Variants in TMEM260 observed in about 807,000 individuals in gnomAD.
TMEM260 encodes protein O-mannosyl-transferase TMEM260.
Under a neutral mutation model 88.9 loss-of-function variants are expected in TMEM260, and 82 were observed. That is an observed-to-expected ratio of 0.92 (90% CI 0.77 to 1.11). The LOEUF is 1.11. TMEM260 is among the 50% of genes least tolerant of loss of function. TMEM260 has a pLI of 0.00. For synonymous variants in TMEM260, 314 were observed against 309.3 expected, an observed-to-expected ratio of 1.02 and a Z score of -0.16; for missense variants, 902 against 853.4, an observed-to-expected ratio of 1.06 and a Z score of -0.71.
intron 15 of TMEM260, among the ~76,000 whole-genome samples, chr14:56,637,676 G>T (rs929370939): frequency 3.3e-5 from 5 of 152,194 alleles, no homozygotes; most frequent in Non-Finnish European, 7.3e-5. Context: ...GTTCTACTCA[G>T]CCAGGACAAG....
Position 56,636,417 on chromosome 14 carries a change from C to T in TMEM260, c.1779-91C>T, listed in dbSNP as rs1889079728. 21 of 957,544 alleles carry T rather than the reference C, an allele frequency of 2.2e-5. No individual in the cohort carries two copies. The South Asian group carries it at 2.6e-4, about 12-fold the overall frequency. The allele number at this position is 957,544 out of a possible 1,614,324, so 59.3% of individuals were successfully genotyped here. On this transcript the variant is annotated intron_variant, in intron 14 of 15. Coordinates refer to ENST00000261556, the MANE Select transcript of TMEM260 (RefSeq NM_017799.4). ...ATACAATAAAGGATTTTGTACATCC[C>T]TTATCAGTGGAGAAGCCTGGAAGAT...
intron 14 of TMEM260, among the ~76,000 whole-genome samples, chr14:56,635,338 C>CT (rs1172239625): frequency 8.5e-5 from 13 of 152,170 alleles, no homozygotes; most frequent in African/African-American, 3.1e-4. Flanking sequence ...TGTAATGTGC[C>CT]TGTCAATTAG....
chr14:56,585,108 G>T (rs1885406437), intron 2 of TMEM260, 76 bp downstream of exon 2: 1 of 1,321,032 alleles, frequency 7.6e-7, no homozygotes, highest in African/African-American at 1.5e-5. Context: ...ATTAAGCATG[G>T]AGTAAAGTAG....
chr14:56,581,038 G>T (rs1885096442), intron 1 of TMEM260, among the ~76,000 whole-genome samples: 1 of 152,134 alleles, frequency 6.6e-6, no homozygotes, highest in Admixed American at 6.5e-5. Flanking sequence ...TGTGCGATGG[G>T]GCTGCGGTCT....
intron 1 of TMEM260, among the ~76,000 whole-genome samples, chr14:56,581,288 G>A (rs959545411): frequency 2.0e-5 from 3 of 152,188 alleles, no homozygotes; most frequent in African/African-American, 7.2e-5. Context: ...ATCAGGACTT[G>A]GGGATTAGTG....
At chr14:56,607,391 A>G (rs1886977878) in intron 5 of TMEM260, among the ~76,000 whole-genome samples, 1 of 152,208 alleles carries the variant, frequency 6.6e-6, no homozygotes. Flanking sequence ...TTTTCCCTGT[A>G]CTGAGGTAAG....
intron 8 of TMEM260, 123 bp downstream of exon 8, chr14:56,616,150 G>A: frequency 1.5e-6 from 1 of 661,094 alleles, no homozygotes; most frequent in Non-Finnish European, 2.6e-6. Context: ...GACTCTCCTA[G>A]CTGTCTATTA....
chr14:56,629,680 G>T (rs8023208), intron 12 of TMEM260, among the ~76,000 whole-genome samples: 125,065 of 152,086 alleles, frequency 0.82, 51,788 homozygotes, highest in East Asian at 0.99. Flanking sequence ...TCATCTTCCT[G>T]TTTGAAGGAT....
chr14:56,607,712 G>GTA lies in TMEM260; in HGVS notation c.637-1384_637-1383dup, dbSNP rs113323366. ...TATATACATAGGGACGTGTGTGTGT[G>GTA]TATATATATATGTATTTATTTATGC... On this transcript the variant is annotated intron_variant, in intron 5 of 15. Transcript: ENST00000261556. 9.7e-3 allele frequency among the ~76,000 whole-genome samples: 1,476 copies of GTA among 152,012 alleles called. 46 individuals are homozygous for GTA. The East Asian group carries it at 0.099, about 10-fold the overall frequency.
At position 56,605,545 on chromosome 14, in the gene TMEM260, A is replaced by T. The variant is rs113870154; in HGVS notation, c.523-25A>T. 10,524 of 1,177,198 alleles carry T rather than the reference A, an allele frequency of 8.9e-3. 282 individuals carry two copies. The East Asian group carries it at 0.091, about 10-fold the overall frequency. 72.9% of individuals were successfully genotyped at this position (1,177,198 alleles called of 1,614,324 possible). On this transcript the variant is annotated intron_variant, in intron 4 of 15. Transcript: ENST00000261556. ...GAGTTTTAGGTGAATTTTTTACTTA[A>T]TTTTTTTTTTTAATTTATTTTCAGG...
intron 11 of TMEM260, among the ~76,000 whole-genome samples, chr14:56,625,010 G>T (rs551030699): frequency 6.6e-6 from 1 of 152,318 alleles, no homozygotes; most frequent in African/African-American, 2.4e-5. Context: ...TCACACTCCT[G>T]TGAAAATCTA....
At chr14:56,641,201 GAC>G (rs750021337) in intron 15 of TMEM260, among the ~76,000 whole-genome samples, 33 of 151,688 alleles carry the variant, frequency 2.2e-4, no homozygotes, top group Admixed American at 4.6e-4. Flanking sequence ...GCAACTCCAA[GAC>G]ACATGATTGT....
intron 3 of TMEM260, among the ~76,000 whole-genome samples, chr14:56,600,431 C>A (rs931588962): frequency 6.6e-6 from 1 of 151,554 alleles, no homozygotes; most frequent in African/African-American, 2.4e-5. Flanking sequence ...TGTGGTTAGC[C>A]GAAAAGAAAC....
chr14:56,632,612 A>G (rs1318188293), intron 12 of TMEM260, among the ~76,000 whole-genome samples: 1 of 151,838 alleles, frequency 6.6e-6, no homozygotes, highest in Non-Finnish European at 1.5e-5. Flanking sequence ...TCTGAGTTTT[A>G]AGCTTCCTTT....
In TMEM260 at chr14:56,581,415, A is replaced by G. The variant is rs1885125870; in HGVS notation, c.160+1341A>G. Among the ~76,000 whole-genome samples the G allele has an allele frequency of 2.6e-5, 4 of 152,212 alleles. No individual in the cohort carries two copies. The South Asian group carries it at 8.3e-4, about 32-fold the overall frequency. On this transcript the variant is annotated intron_variant, in intron 1 of 15. Coordinates refer to ENST00000261556, the MANE Select transcript of TMEM260 (RefSeq NM_017799.4). ...AGTAGGGATAGTGTTTCATTCGTGT[A>G]GTAGGGAGTTTCTGTACAGTGTTAC... is the stretch of plus-strand genomic sequence containing the variant.
rs548849647 is a variant in TMEM260, at chr14:56,643,494, T to C, written c.1870-3749T>C. Among the ~76,000 whole-genome samples, 1,299 of 152,168 alleles carry C rather than the reference T, an allele frequency of 8.5e-3. 27 individuals carry two copies. Among genetic ancestry groups the C allele is most frequent in the African/African-American group, 0.03 (1,256 of 41,514 alleles). ...CTAAAAACTCTCAATAAATTAGGTA[T>C]TGATGGGACGTATTTCAAAATAATA... On this transcript the variant is annotated intron_variant, in intron 15 of 15. Transcript: ENST00000261556.
intron 1 of TMEM260, among the ~76,000 whole-genome samples, chr14:56,584,177 C>G (rs1379992596): frequency 6.6e-6 from 1 of 152,078 alleles, no homozygotes; most frequent in Non-Finnish European, 1.5e-5. Context: ...AAATTAAATG[C>G]AGAGTATTGC....
chr14:56,656,787 A>G, the TMEM260 span, among the ~76,000 whole-genome samples: 1 of 152,216 alleles, frequency 6.6e-6, no homozygotes, highest in Non-Finnish European at 1.5e-5. Flanking sequence ...AATTATGTGA[A>G]TATCTGGGAA....
chr14:56,616,243 G>T, intron 8 of TMEM260: 1 of 421,828 alleles, frequency 2.4e-6, no homozygotes, highest in East Asian at 3.6e-5. Context: ...TTACATCTAA[G>T]TAGACAGTCA....
Sources: allele counts gnomAD v4.1 joint callset (sites outside exome capture counted in the v4.1 genomes callset), GRCh38; gene constraint gnomAD v4.1.1; transcripts MANE v1.5; gene names NCBI Gene and HGNC (gene_info 2026-07-23, HGNC 2026-07-21).